The following KALRN variants were observed in gnomAD, a reference collection of about 807,000 sequenced individuals.
The protein encoded by KALRN is kalirin.
KALRN carries 70 observed loss-of-function variants against 353.7 expected under a neutral mutation model. The observed-to-expected ratio is 0.20, with a 90% CI of 0.16 to 0.24. KALRN has a LOEUF of 0.24. Ranked by LOEUF, KALRN falls within the 10% of genes least tolerant of loss-of-function variation. The pLI, the probability that KALRN is intolerant of heterozygous loss-of-function variation, is 1.00. For missense variants in KALRN, 2,791 were observed against 3,756.7 expected (o/e 0.74, Z 6.72); for synonymous variants, 1,391 against 1,434.8 (o/e 0.97, Z 0.69).
chr3:124,075,078 G>T (rs919162295), intron 1 of KALRN, among the ~76,000 whole-genome samples: 2 of 152,182 alleles, frequency 1.3e-5, no homozygotes, highest in Non-Finnish European at 2.9e-5. Context: ...TGCATGCTCA[G>T]TAGTCCTATT....
chr3:124,595,598 C>A (rs1318154600), intron 34 of KALRN, among the ~76,000 whole-genome samples: 1 of 152,136 alleles, frequency 6.6e-6, no homozygotes. Flanking sequence ...TAGTACACAT[C>A]CATAATTACT....
chr3:124,607,426 G>A (rs1578303890), intron 34 of KALRN, among the ~76,000 whole-genome samples: 2 of 152,288 alleles, frequency 1.3e-5, no homozygotes, highest in South Asian at 4.1e-4. Context: ...AATTGATTTG[G>A]GTGTGGGGAA....
chr3:124,146,502 T>A (rs1250006761), intron 1 of KALRN, among the ~76,000 whole-genome samples: 1 of 151,984 alleles, frequency 6.6e-6, no homozygotes, highest in East Asian at 1.9e-4. Flanking sequence ...GGAGAAGCAC[T>A]GGACTGGAAA....
At chr3:124,111,249 G>A (rs1167492836) in intron 1 of KALRN, among the ~76,000 whole-genome samples, 1 of 152,122 alleles carries the variant, frequency 6.6e-6, no homozygotes, top group African/African-American at 2.4e-5. Flanking sequence ...AACTCCATAT[G>A]TTACATGCAG....
intron 3 of KALRN, among the ~76,000 whole-genome samples, chr3:124,256,586 C>T (rs904398507): frequency 6.6e-6 from 1 of 152,184 alleles, no homozygotes; most frequent in Non-Finnish European, 1.5e-5. Context: ...GTGATCTCTG[C>T]TAGGCTACCA....
chr3:124,666,540 G>A lies in KALRN; in HGVS notation c.6437G>A (p.Arg2146Lys). The A allele has an allele frequency of 3.7e-6, 6 of 1,614,072 alleles. No homozygotes were observed. Among genetic ancestry groups the A allele is most frequent in the South Asian group, 3.3e-5 (3 of 91,076 alleles). ...GGCATGCAGTCCCGGACCAAAGAGA[G>A]GCGCGTGTTCCTCTTCGAGCAGATT... ...DAGMQSRTKE[R>K]RVFLFEQIVI... Residue 2146 changes from arginine (R) to lysine (K), a missense_variant, in exon 46 of 60, where the codon AGG (arginine) becomes AAG (lysine). By Grantham distance (26) the Arg-to-Lys change is conservative (BLOSUM62 2). Around this residue, in one of 11 missense-constraint regions of KALRN, gnomAD observed 1,065 missense variants for 1,156.4 expected, o/e 0.92. Coordinates refer to ENST00000682506, the MANE Select transcript of KALRN (RefSeq NM_001388419.1).
intron 51 of KALRN, 64 bp downstream of exon 51, chr3:124,679,581 A>G (rs1441918574): frequency 5.2e-6 from 7 of 1,354,210 alleles, no homozygotes; most frequent in East Asian, 2.3e-5. Flanking sequence ...GTTCTGTAAC[A>G]GTGACCTTGC....
At chr3:124,676,686 C>T (rs529656472) in intron 49 of KALRN, among the ~76,000 whole-genome samples, 27 of 152,318 alleles carry the variant, frequency 1.8e-4, no homozygotes, top group Non-Finnish European at 2.8e-4. Context: ...ACATACACAA[C>T]GTGCTGCCTG....
chr3:124,439,450 A>T (rs1356792450), intron 18 of KALRN, among the ~76,000 whole-genome samples: 1 of 152,184 alleles, frequency 6.6e-6, no homozygotes, highest in Non-Finnish European at 1.5e-5. Context: ...TATCCCGTGG[A>T]TGTTGTTAAC....
intron 1 of KALRN, among the ~76,000 whole-genome samples, chr3:124,156,849 C>G (rs1187280368): frequency 2.6e-5 from 4 of 152,106 alleles, no homozygotes; most frequent in African/African-American, 9.7e-5. Context: ...GGAAAGAGTC[C>G]CAGTCACTAC....
At chr3:124,433,239 T>TA (rs1455441136) in intron 16 of KALRN, among the ~76,000 whole-genome samples, 2 of 150,452 alleles carry the variant, frequency 1.3e-5, no homozygotes, top group African/African-American at 4.9e-5. Context: ...AAAAAGTTAA[T>TA]AAAAAATAAA....
chr3:124,666,703 C>T (rs531594642), intron 46 of KALRN, 69 bp downstream of exon 46: 39 of 1,325,366 alleles, frequency 2.9e-5, no homozygotes, highest in East Asian at 1.6e-4. Flanking sequence ...TTCCCTAAGA[C>T]GAGGCCCTGG....
intron 1 of KALRN, among the ~76,000 whole-genome samples, chr3:124,091,826 C>G (rs2061137018): frequency 1.3e-5 from 2 of 152,210 alleles, no homozygotes; most frequent in Non-Finnish European, 2.9e-5. Context: ...AAAACAACAA[C>G]AAAAACCTAC....
At chr3:124,712,026 T>C (rs1227063865) in intron 57 of KALRN, among the ~76,000 whole-genome samples, 1 of 152,150 alleles carries the variant, frequency 6.6e-6, no homozygotes, top group Non-Finnish European at 1.5e-5. Context: ...AAGAATGATA[T>C]GATGGACTTT....
intron 43 of KALRN, among the ~76,000 whole-genome samples, chr3:124,659,958 G>A (rs776172917): frequency 2.0e-5 from 3 of 150,746 alleles, no homozygotes; most frequent in Non-Finnish European, 4.4e-5. Flanking sequence ...TTGAGGCAGG[G>A]TCTCACTCTG....
At chr3:124,264,477 C>T (rs375763254) in intron 3 of KALRN, 21 bp from the exon 4 acceptor site, 47 of 1,609,238 alleles carry the variant, frequency 2.9e-5, no homozygotes, top group African/African-American at 2.4e-4. Flanking sequence ...GTGACCATAC[C>T]GACCTCTGAC....
At chr3:124,106,675 G>A (rs11714061) in intron 1 of KALRN, among the ~76,000 whole-genome samples, 19,496 of 152,146 alleles carry the variant, frequency 0.13, 1,612 homozygotes, top group East Asian at 0.45. Context: ...GAAGTTGGAA[G>A]AGATAAGATG....
chr3:124,491,294 C>G, intron 30 of KALRN, 29 bp from the exon 31 acceptor site: 4 of 1,506,052 alleles, frequency 2.7e-6, no homozygotes, highest in Non-Finnish European at 3.6e-6. Flanking sequence ...TCCCCTTCCC[C>G]GCCTCTCATA....
At chr3:124,310,939 G>A (rs566748571) in intron 6 of KALRN, among the ~76,000 whole-genome samples, 5 of 151,888 alleles carry the variant, frequency 3.3e-5, no homozygotes, top group Non-Finnish European at 7.4e-5. Context: ...CAATTAAAAT[G>A]TGCAAAGGAT....
Sources: allele counts gnomAD v4.1 joint callset (sites outside exome capture counted in the v4.1 genomes callset), GRCh38; gene constraint gnomAD v4.1.1; regional missense constraint gnomAD v4.1.1; transcripts MANE v1.5; gene names NCBI Gene and HGNC (gene_info 2026-07-23, HGNC 2026-07-21).